The following PPARGC1A variants were observed in gnomAD, a reference collection of about 807,000 sequenced individuals.
PPARGC1A encodes the protein PPARG coactivator 1 alpha.
In PPARGC1A, 25 loss-of-function variants were observed where a neutral mutation model predicts 88.7. The observed-to-expected ratio is 0.28, with a 90% CI of 0.21 to 0.39. The LOEUF (loss-of-function observed/expected upper bound fraction) is 0.39. Among genes scored for constraint, PPARGC1A ranks in the 10% least tolerant of loss-of-function variants. PPARGC1A has a pLI of 1.00. For missense variants in PPARGC1A, 880 were observed against 968.7 expected (o/e 0.91, Z 1.22); for synonymous variants, 363 against 355.6 (o/e 1.02, Z -0.24).
the PPARGC1A span, among the ~76,000 whole-genome samples, chr4:24,380,903 G>A: frequency 6.6e-6 from 1 of 151,686 alleles, no homozygotes; most frequent in Non-Finnish European, 1.5e-5. Context: ...ACAGCAGGCT[G>A]CATGGATTAG....
the PPARGC1A span, among the ~76,000 whole-genome samples, chr4:24,263,203 T>C: frequency 1.3e-5 from 2 of 152,112 alleles, no homozygotes; most frequent in Non-Finnish European, 2.9e-5. Flanking sequence ...CCCAAAAAAG[T>C]TCAAGCCCAA....
chr4:24,272,281 T>C, the PPARGC1A span, among the ~76,000 whole-genome samples: 99 of 152,292 alleles, frequency 6.5e-4, no homozygotes, highest in African/African-American at 2.3e-3. Flanking sequence ...GCATTATTCC[T>C]AACACTCATC....
At chr4:24,080,814 A>G in the PPARGC1A span, among the ~76,000 whole-genome samples, 3 of 152,220 alleles carry the variant, frequency 2.0e-5, no homozygotes, top group Admixed American at 2.0e-4. Context: ...ACAATGCAGG[A>G]TTTCAACGCC....
chr4:23,949,597 G>GC, the PPARGC1A span, among the ~76,000 whole-genome samples: 1 of 152,138 alleles, frequency 6.6e-6, no homozygotes, highest in South Asian at 2.1e-4. Flanking sequence ...AGTTAATCCA[G>GC]TAAATAAACT....
the PPARGC1A span, among the ~76,000 whole-genome samples, chr4:24,047,849 A>T: frequency 6.6e-6 from 1 of 152,206 alleles, no homozygotes; most frequent in Admixed American, 6.5e-5. Context: ...GCCACTCTTA[A>T]TCTTACAGAG....
At chr4:24,266,801 A>G in the PPARGC1A span, among the ~76,000 whole-genome samples, 1 of 152,158 alleles carries the variant, frequency 6.6e-6, no homozygotes, top group East Asian at 1.9e-4. Flanking sequence ...CCATCTTCCC[A>G]TTCCTCACTA....
At chr4:24,091,566 G>A in the PPARGC1A span, 12 of 985,182 alleles carry the variant, frequency 1.2e-5, no homozygotes, top group Non-Finnish European at 1.4e-5. Flanking sequence ...AACTGGATTC[G>A]CCAGCGGCTG....
At chr4:24,119,712 A>C in the PPARGC1A span, among the ~76,000 whole-genome samples, 2 of 152,188 alleles carry the variant, frequency 1.3e-5, no homozygotes, top group Non-Finnish European at 2.9e-5. Flanking sequence ...GGCAGCAAAA[A>C]ATAAATGAAA....
the PPARGC1A span, among the ~76,000 whole-genome samples, chr4:24,309,047 C>T: frequency 6.6e-6 from 1 of 151,788 alleles, no homozygotes; most frequent in African/African-American, 2.4e-5. Flanking sequence ...GGATTTCATT[C>T]ATTCATTCAG....
At chr4:24,333,970 C>CTAAGAGAA in the PPARGC1A span, among the ~76,000 whole-genome samples, 1 of 114,986 alleles carries the variant, frequency 8.7e-6, no homozygotes, top group South Asian at 3.1e-4. Context: ...AAAAAAGGCA[C>CTAAGAGAA]TAAGAGAAAA....
the PPARGC1A span, among the ~76,000 whole-genome samples, chr4:23,982,693 C>T: frequency 6.6e-6 from 1 of 152,124 alleles, no homozygotes; most frequent in African/African-American, 2.4e-5. Context: ...TGATCAGCTG[C>T]TTCACCTGAA....
the PPARGC1A span, among the ~76,000 whole-genome samples, chr4:24,173,337 C>T: frequency 3.1e-5 from 1 of 32,732 alleles, no homozygotes; most frequent in Non-Finnish European, 6.9e-5. Flanking sequence ...CCTTTCCCCA[C>T]CAAAAAAAAA....
upstream of PPARGC1A, among the ~76,000 whole-genome samples, chr4:23,891,585 T>A (rs1471135232): frequency 6.6e-6 from 1 of 152,192 alleles, no homozygotes; most frequent in African/African-American, 2.4e-5. Context: ...ATACATATTA[T>A]AAGAGATTTG....
the PPARGC1A span, among the ~76,000 whole-genome samples, chr4:24,227,115 C>T: frequency 4.6e-5 from 7 of 151,948 alleles, no homozygotes; most frequent in African/African-American, 1.7e-4. Flanking sequence ...TACGGAGTCT[C>T]ACTCTGTTGC....
chr4:24,327,247 G>A, the PPARGC1A span, among the ~76,000 whole-genome samples: 2 of 152,120 alleles, frequency 1.3e-5, no homozygotes, highest in Non-Finnish European at 2.9e-5. Flanking sequence ...GACCAACTTA[G>A]ACTGTGCCCC....
the PPARGC1A span, among the ~76,000 whole-genome samples, chr4:24,352,572 A>T: frequency 6.6e-6 from 1 of 152,174 alleles, no homozygotes; most frequent in Non-Finnish European, 1.5e-5. Flanking sequence ...CCAGCAACAA[A>T]GGCCTGGCCA....
At chr4:24,355,715 C>T in the PPARGC1A span, among the ~76,000 whole-genome samples, 1 of 152,060 alleles carries the variant, frequency 6.6e-6, no homozygotes, top group African/African-American at 2.4e-5. Flanking sequence ...TGCCAGCACA[C>T]ACCAGTCACA....
At chr4:24,466,311 A>G in the PPARGC1A span, among the ~76,000 whole-genome samples, 1 of 152,248 alleles carries the variant, frequency 6.6e-6, no homozygotes, top group Non-Finnish European at 1.5e-5. Context: ...AAGCTGGCAA[A>G]TAAATGACAC....
At chr4:24,471,872 T>C in the PPARGC1A span, among the ~76,000 whole-genome samples, 2 of 152,150 alleles carry the variant, frequency 1.3e-5, no homozygotes, top group Non-Finnish European at 2.9e-5. The surrounding 1 kb of genome is among the most constrained non-coding windows in gnomAD (Gnocchi z 5.4). Context: ...CTACTTGAGA[T>C]TGCAGCCATT....
Sources: gnomAD v4.1 joint callset for allele counts (sites outside exome capture counted in the v4.1 genomes callset) on GRCh38, gnomAD v4.1.1 for gene constraint, Gnocchi (gnomAD v3.1) non-coding constraint, MANE v1.5 for transcripts, NCBI Gene and HGNC (gene_info 2026-07-23, HGNC 2026-07-21) for gene names.